HMGN5: variants seen among roughly 807,000 people sequenced by gnomAD.
HMGN5 encodes the protein high mobility group nucleosome binding domain 5, also known as high mobility group nucleosome-binding domain-containing protein 5.
Under a neutral mutation model 9.5 loss-of-function variants are expected in HMGN5, and 4 were observed. The ratio of observed to expected loss-of-function variants is 0.42; its 90% CI spans 0.21 to 0.96. The LOEUF is 0.96. HMGN5 is among the 40% of genes least tolerant of loss of function. The pLI, the probability that HMGN5 is intolerant of heterozygous loss-of-function variation, is 0.30. For missense variants in HMGN5, 192 were observed against 187.5 expected, an observed-to-expected ratio of 1.02 and a Z score of -0.14; for synonymous variants, 55 against 57.1, an observed-to-expected ratio of 0.96 and a Z score of 0.16.
At chrX:81,146,423 G>A (rs1390869426) in intron 1 of HMGN5, among the ~76,000 whole-genome samples, 1 of 111,615 alleles carries the variant, frequency 9.0e-6, no homozygotes, top group African/African-American at 3.3e-5. Context: ...AATGAGGGCA[G>A]AAATAAAGAT....
intron 1 of HMGN5, among the ~76,000 whole-genome samples, chrX:81,130,494 C>A (rs958276608): frequency 3.6e-5 from 4 of 111,457 alleles, no homozygotes; most frequent in Admixed American, 1.9e-4. Context: ...GTTCTTTCAA[C>A]CTTTATTTCT....
chrX:81,179,810 A>C (rs1021454230), intron 1 of HMGN5, among the ~76,000 whole-genome samples: 2 of 111,822 alleles, frequency 1.8e-5, no homozygotes, highest in African/African-American at 6.5e-5. Context: ...CTATACTACA[A>C]GGCTACAGTA....
At chrX:81,133,736 A>G (rs2075303950) in intron 1 of HMGN5, among the ~76,000 whole-genome samples, 1 of 110,979 alleles carries the variant, frequency 9.0e-6, no homozygotes, top group African/African-American at 3.3e-5. Flanking sequence ...GAGGGAGAGG[A>G]TCAGGAAAAA....
At chrX:81,160,877 C>A (rs752127561) in intron 1 of HMGN5, among the ~76,000 whole-genome samples, 1 of 111,502 alleles carries the variant, frequency 9.0e-6, no homozygotes, top group South Asian at 3.8e-4. Context: ...GAATGTGTTC[C>A]TAGTTCAGTC....
At position 81,119,827 on chromosome X, in the gene HMGN5, G is replaced by A. The variant is rs187565988; in HGVS notation, c.16-10C>T. ...CACCTTGACCTGCAGCCTACACAGA[G>A]GAGAAAACCACACAGAAATAAGGTC... On this transcript the variant is annotated splice_polypyrimidine_tract_variant and intron_variant, in intron 2 of 6. Coordinates refer to ENST00000358130, the MANE Select transcript of HMGN5 (RefSeq NM_030763.3). The A allele has an allele frequency of 8.3e-5, 99 of 1,191,733 alleles. No individual in the cohort carries two copies. The East Asian group carries it at 2.9e-3, about 36-fold the overall frequency.
chrX:81,149,081 G>A (rs948274804), intron 1 of HMGN5, among the ~76,000 whole-genome samples: 13 of 111,557 alleles, frequency 1.2e-4, no homozygotes, highest in Non-Finnish European at 2.4e-4. Context: ...AATTCCTCAA[G>A]GATCTAGAAC....
intron 1 of HMGN5, among the ~76,000 whole-genome samples, chrX:81,183,118 C>A (rs2075467462): frequency 9.0e-6 from 1 of 111,591 alleles, no homozygotes; most frequent in South Asian, 3.7e-4. Context: ...AAGAAATGAA[C>A]TGAAACTGGA....
chrX:81,128,407 A>T (rs964266888), intron 1 of HMGN5, among the ~76,000 whole-genome samples: 1 of 111,385 alleles, frequency 9.0e-6, no homozygotes, highest in African/African-American at 3.3e-5. Context: ...TTCAGGGTTA[A>T]ATTGCCTAAG....
At chrX:81,152,148 TC>T (rs1217927448) in intron 1 of HMGN5, among the ~76,000 whole-genome samples, 1 of 111,182 alleles carries the variant, frequency 9.0e-6, no homozygotes, top group East Asian at 2.8e-4. Flanking sequence ...ACAAATGGGA[TC>T]TAATTAAACT....
Position 81,121,611 on chromosome X carries a change from T to TTC in HMGN5, c.-63_-62insGA. 2.2e-6 allele frequency: 2 copies of TTC among 911,582 alleles called. No homozygotes were observed. The highest frequency in any genetic ancestry group is 3.1e-6 in the Non-Finnish European group (2 of 651,947). 75.1% of individuals were successfully genotyped at this position (911,582 alleles called of 1,213,427 possible). On this transcript the variant is annotated 5_prime_UTR_variant, in exon 2 of 7. Coordinates refer to ENST00000358130, the MANE Select transcript of HMGN5 (RefSeq NM_030763.3). ...AAAAAAGCCGAAGGCAGTCACTGCC[T>TTC]GACTGCTCCAAGAGCAAATGAGTTT...
chrX:81,166,195 G>C (rs898691211), intron 1 of HMGN5, among the ~76,000 whole-genome samples: 2 of 111,081 alleles, frequency 1.8e-5, no homozygotes, highest in Non-Finnish European at 3.8e-5. Flanking sequence ...ACTGATCTAG[G>C]AGAATTGCTA....
intron 1 of HMGN5, among the ~76,000 whole-genome samples, chrX:81,153,036 C>A (rs1419140038): frequency 9.6e-6 from 1 of 104,282 alleles, no homozygotes; most frequent in Non-Finnish European, 2.0e-5. Flanking sequence ...GGGAGATATA[C>A]CTAATGCTAA....
intron 1 of HMGN5, among the ~76,000 whole-genome samples, chrX:81,196,435 G>T (rs183835333): frequency 9.0e-6 from 1 of 110,850 alleles, no homozygotes; most frequent in Admixed American, 9.5e-5. Flanking sequence ...CACATGTCTA[G>T]AGAGAGACCA....
rs182088214 is a variant in HMGN5 at position 81,168,109 on chromosome X, G to A, written c.-124+33628C>T. ...TACCCATCATGCCCCAAATTAAAGG[G>A]CTCTAATCACAGTTGCCTAGATTTT... On this transcript the variant is annotated intron_variant, in intron 1 of 6. Coordinates refer to ENST00000358130, the MANE Select transcript of HMGN5 (RefSeq NM_030763.3). Among the ~76,000 whole-genome samples, 3 of 112,050 alleles carry A rather than the reference G, an allele frequency of 2.7e-5. No homozygotes were observed. The East Asian group carries it at 8.5e-4, about 32-fold the overall frequency.
intron 1 of HMGN5, among the ~76,000 whole-genome samples, chrX:81,187,527 CT>C (rs771645785): frequency 9.0e-6 from 1 of 111,391 alleles, no homozygotes; most frequent in African/African-American, 3.3e-5. Context: ...TACTCTTCCT[CT>C]TTTTTTGTTT....
At chrX:81,139,919 A>G (rs1349324872) in intron 1 of HMGN5, among the ~76,000 whole-genome samples, 1 of 112,146 alleles carries the variant, frequency 8.9e-6, no homozygotes, top group Non-Finnish European at 1.9e-5. Flanking sequence ...AGTCTATGAC[A>G]TAAGGATTGC....
intron 2 of HMGN5, among the ~76,000 whole-genome samples, chrX:81,121,249 C>G (rs1257735141): frequency 9.1e-6 from 1 of 109,362 alleles, no homozygotes; most frequent in Non-Finnish European, 1.9e-5. Flanking sequence ...GGGTAGGAAG[C>G]GACAGCCCAG....
chrX:81,115,617 T>C (rs1343056835), intron 6 of HMGN5, among the ~76,000 whole-genome samples: 3 of 112,104 alleles, frequency 2.7e-5, no homozygotes, highest in Non-Finnish European at 5.7e-5. Context: ...AATAACATAT[T>C]TTGTTTCTAT....
intron 1 of HMGN5, among the ~76,000 whole-genome samples, chrX:81,139,943 G>C (rs2075323530): frequency 8.9e-6 from 1 of 112,009 alleles, no homozygotes; most frequent in Admixed American, 9.4e-5. Context: ...TCTTAGGCAA[G>C]TCCCAGGGCT....
Sources: allele counts gnomAD v4.1 joint callset (sites outside exome capture counted in the v4.1 genomes callset), GRCh38; gene constraint gnomAD v4.1.1; transcripts MANE v1.5; gene names NCBI Gene and HGNC (gene_info 2026-07-23, HGNC 2026-07-21).